The following CUL3 variants were observed in gnomAD, a reference collection of about 807,000 sequenced individuals.
CUL3 encodes the protein cullin 3.
Under a neutral mutation model 89.1 loss-of-function variants are expected in CUL3, and 19 were observed. That is an observed-to-expected ratio of 0.21 (90% confidence interval 0.15 to 0.31). The LOEUF (loss-of-function observed/expected upper bound fraction) is 0.31. CUL3 is among the 10% of genes least tolerant of loss of function. CUL3 has a pLI of 1.00. For synonymous variants in CUL3, 351 were observed against 308.4 expected (o/e 1.14, Z -1.45); for missense variants, 469 against 942.3 (o/e 0.50, Z 6.58).
At chr2:224,492,449 A>C (rs1432740067) in intron 13 of CUL3, among the ~76,000 whole-genome samples, 1 of 152,164 alleles carries the variant, frequency 6.6e-6, no homozygotes, top group East Asian at 1.9e-4. Flanking sequence ...GTAGTTTTTA[A>C]ATTTCAGACT....
chr2:224,584,267 GCT>G lies in CUL3; in HGVS notation c.66+675_66+676del, dbSNP rs893954097. On this transcript the variant is annotated intron_variant, in intron 1 of 15. Coordinates refer to ENST00000264414, the MANE Select transcript of CUL3 (RefSeq NM_003590.5). ...AAATGGAGAACCAATTGGCCGGTTT[GCT>G]CTCTGTTGCTTCCCCCCCACCCGGC... Among the ~76,000 whole-genome samples the G allele has an allele frequency of 5.5e-5, 8 of 146,434 alleles. No homozygotes were observed. The Admixed American group carries it at 5.6e-4, about 10-fold the overall frequency.
At chr2:224,478,992 T>C (rs898063365) in intron 14 of CUL3, 14 of 152,276 alleles carry the variant, frequency 9.2e-5, no homozygotes, top group African/African-American at 3.1e-4. Flanking sequence ...TTCCAATCTT[T>C]AGGAGTCTTA....
At chr2:224,575,327 A>C (rs1452182882) in intron 1 of CUL3, among the ~76,000 whole-genome samples, 1 of 152,204 alleles carries the variant, frequency 6.6e-6, no homozygotes, top group Non-Finnish European at 1.5e-5. Context: ...AGTCCAGCTA[A>C]ATTAGAGACC....
chr2:224,497,607 T>A, intron 12 of CUL3, 146 bp downstream of exon 12: 1 of 609,656 alleles, frequency 1.6e-6, no homozygotes, highest in South Asian at 2.1e-5. Flanking sequence ...AAGTAATAAA[T>A]CAAAGCTAGG....
chr2:224,553,662 A>G (rs924309478), intron 2 of CUL3, among the ~76,000 whole-genome samples: 1 of 152,164 alleles, frequency 6.6e-6, no homozygotes, highest in African/African-American at 2.4e-5. Flanking sequence ...ACCCTCATTA[A>G]CAGGATGGAA....
intron 2 of CUL3, among the ~76,000 whole-genome samples, chr2:224,543,958 T>G (rs978854193): frequency 6.6e-6 from 1 of 151,770 alleles, no homozygotes; most frequent in African/African-American, 2.4e-5. Context: ...ACACTCCAGC[T>G]AGGGTGACAG....
intron 3 of CUL3, among the ~76,000 whole-genome samples, chr2:224,515,812 C>T (rs1693017605): frequency 6.6e-6 from 1 of 152,056 alleles, no homozygotes. Flanking sequence ...TCTGCCTCAG[C>T]CTTCTGAGTA....
At chr2:224,534,214 C>T (rs191629805) in intron 3 of CUL3, among the ~76,000 whole-genome samples, 1 of 152,270 alleles carries the variant, frequency 6.6e-6, no homozygotes, top group East Asian at 1.9e-4. Context: ...AATTTAATCT[C>T]TCTGAAAGTT....
intron 2 of CUL3, among the ~76,000 whole-genome samples, chr2:224,537,517 G>C (rs1305123744): frequency 6.6e-6 from 1 of 152,052 alleles, no homozygotes; most frequent in Non-Finnish European, 1.5e-5. Context: ...AATGAATAAT[G>C]TATCATTTGT....
intron 14 of CUL3, among the ~76,000 whole-genome samples, chr2:224,481,479 A>T (rs1322949280): frequency 1.3e-5 from 2 of 152,090 alleles, no homozygotes; most frequent in African/African-American, 4.8e-5. Context: ...GAAACAAAAA[A>T]TATTTATCAA....
At chr2:224,546,717 G>A (rs1007422370) in intron 2 of CUL3, among the ~76,000 whole-genome samples, 2 of 151,956 alleles carry the variant, frequency 1.3e-5, no homozygotes, top group African/African-American at 2.4e-5. Context: ...AACTTAAGCA[G>A]AATAGCTGAT....
chr2:224,527,822 C>T (rs1416574331), intron 3 of CUL3, among the ~76,000 whole-genome samples: 1 of 152,012 alleles, frequency 6.6e-6, no homozygotes, highest in Non-Finnish European at 1.5e-5. Flanking sequence ...CTTCCTTTAA[C>T]AGCACAGACC....
chr2:224,584,933 G>A lies in CUL3; in HGVS notation c.66+11C>T, dbSNP rs1559252752. 13 of 1,474,918 alleles carry A rather than the reference G, an allele frequency of 8.8e-6. No individual in the cohort carries two copies. Among genetic ancestry groups the A allele is most frequent in the Non-Finnish European group, 1.2e-5 (13 of 1,100,652 alleles). 91.4% of individuals were successfully genotyped at this position (1,474,918 alleles called of 1,614,324 possible). On this transcript the variant is annotated intron_variant, in intron 1 of 15. Coordinates refer to ENST00000264414, the MANE Select transcript of CUL3 (RefSeq NM_003590.5). ...CGGCCCCGGGGTCCCGGACGCCGAG[G>A]AGAGACTCACCGGAAAGGCCCGGAT...
chr2:224,506,264 G>T (rs1692596579), intron 7 of CUL3, 132 bp from the exon 8 acceptor site: 4 of 609,252 alleles, frequency 6.6e-6, no homozygotes, highest in Non-Finnish European at 1.1e-5. Flanking sequence ...TTACAGTTTT[G>T]ATATTATTTT....
chr2:224,538,782 C>G (rs560547180), intron 2 of CUL3, among the ~76,000 whole-genome samples: 148 of 152,266 alleles, frequency 9.7e-4, no homozygotes, highest in Middle Eastern at 3.4e-3. Context: ...GATGGCTGTG[C>G]CTGGTACTAG....
At chr2:224,549,937 ATAT>A (rs1694450416) in intron 2 of CUL3, among the ~76,000 whole-genome samples, 1 of 152,190 alleles carries the variant, frequency 6.6e-6, no homozygotes, top group African/African-American at 2.4e-5. Flanking sequence ...TACCTGTCAA[ATAT>A]TATTATCTTA....
intron 1 of CUL3, among the ~76,000 whole-genome samples, chr2:224,559,484 C>G (rs1018501444): frequency 6.6e-6 from 1 of 151,596 alleles, no homozygotes; most frequent in Non-Finnish European, 1.5e-5. Context: ...TGTCAGTTTC[C>G]TATGTCAAAA....
rs769219363 is a variant in CUL3, at chr2:224,585,017, G to C, written c.-8C>G. 6 of 1,496,766 alleles carry C rather than the reference G, an allele frequency of 4.0e-6. No individual in the cohort carries two copies. The South Asian group carries it at 5.9e-5, about 15-fold the overall frequency. The allele number at this position is 1,496,766 out of a possible 1,614,324, so 92.7% of individuals were successfully genotyped here. A position where few individuals can be genotyped will look rare whatever the true frequency, so the allele number is the denominator to read the frequency against. Reference sequence around the variant, plus strand: ...TTTGCTCAGATTCGACATGGTGCTCGTCCCCTCCCCGGCGGCGGCTTCAGG... The same window carrying C: ...TTTGCTCAGATTCGACATGGTGCTCCTCCCCTCCCCGGCGGCGGCTTCAGG... On this transcript the variant is annotated 5_prime_UTR_variant, in exon 1 of 16. Coordinates refer to ENST00000264414, the MANE Select transcript of CUL3 (RefSeq NM_003590.5).
intron 1 of CUL3, among the ~76,000 whole-genome samples, chr2:224,561,941 G>C (rs1694915465): frequency 6.6e-6 from 1 of 152,154 alleles, no homozygotes; most frequent in Non-Finnish European, 1.5e-5. Flanking sequence ...TCAAAAAAGA[G>C]AAAAGTTAAT....
Sources: gnomAD v4.1 joint callset for allele counts (sites outside exome capture counted in the v4.1 genomes callset) on GRCh38, gnomAD v4.1.1 for gene constraint, MANE v1.5 for transcripts, NCBI Gene and HGNC (gene_info 2026-07-23, HGNC 2026-07-21) for gene names.